Variants in FLT1 observed in about 807,000 individuals in gnomAD.
The protein encoded by FLT1 is vascular endothelial growth factor receptor 1.
A neutral mutation model predicts 156.3 loss-of-function variants in FLT1; 49 were observed. The ratio of observed to expected loss-of-function variants is 0.31; its 90% CI spans 0.25 to 0.40. FLT1 has a LOEUF of 0.40. Ranked by LOEUF, FLT1 falls within the 10% of genes least tolerant of loss-of-function variation. The pLI is 1.00. For missense variants in FLT1, 1,322 were observed against 1,637.2 expected (o/e 0.81, Z 3.32); for synonymous variants, 594 against 583.8 (o/e 1.02, Z -0.25).
intron 18 of FLT1, 150 bp downstream of exon 18, chr13:28,333,875 G>A (rs1872018308): frequency 4.2e-6 from 3 of 719,842 alleles, no homozygotes; most frequent in Non-Finnish European, 7.6e-6. Context: ...TAAAACTCGT[G>A]AGCAAAGAGG....
At chr13:28,366,494 A>C (rs1215867177) in intron 14 of FLT1, among the ~76,000 whole-genome samples, 1 of 147,112 alleles carries the variant, frequency 6.8e-6, no homozygotes, top group Admixed American at 6.8e-5. Context: ...TTCGAGATGG[A>C]GTTTTGCTCT....
chr13:28,317,305 A>T (rs1210236018), intron 25 of FLT1, among the ~76,000 whole-genome samples, 193 bp downstream of exon 25: 1 of 152,246 alleles, frequency 6.6e-6, no homozygotes, highest in Non-Finnish European at 1.5e-5. Flanking sequence ...GTCAAGGGCC[A>T]CGTGCCCCAC....
Position 28,356,493 on chromosome 13 carries a change from C to T in FLT1, c.2248+1061G>A, listed in dbSNP as rs563978898. ...TACTAAAGGTATTTGGGGAATGCTA[C>T]CCTCTCACTTTTTCTGAAAGTATAA... is the stretch of plus-strand genomic sequence containing the variant. On this transcript the variant is annotated intron_variant, in intron 15 of 29. Transcript: ENST00000282397. Among the ~76,000 whole-genome samples the T allele has an allele frequency of 3.3e-5, 5 of 152,276 alleles. No homozygotes were observed. In the South Asian group the frequency reaches 1.0e-3, roughly 32 times the overall value.
intron 24 of FLT1, among the ~76,000 whole-genome samples, chr13:28,317,890 G>A (rs1279944083): frequency 1.3e-5 from 2 of 152,174 alleles, no homozygotes; most frequent in East Asian, 3.9e-4. Context: ...GTCGTCTGAA[G>A]GGTCCTTGCC....
At chr13:28,445,205 A>C (rs1011553169) in intron 3 of FLT1, among the ~76,000 whole-genome samples, 2 of 152,164 alleles carry the variant, frequency 1.3e-5, no homozygotes, top group African/African-American at 4.8e-5. Context: ...GGCCAGGTGC[A>C]GTGGCTCATG....
chr13:28,303,396 T>C (rs1278489356), intron 29 of FLT1, 28 bp from the exon 30 acceptor site: 5 of 1,603,300 alleles, frequency 3.1e-6, no homozygotes, highest in Non-Finnish European at 4.3e-6. Context: ...AGAAATCAAA[T>C]ATTCAAAATT....
chr13:28,441,495 A>C (rs1228467028), intron 3 of FLT1, among the ~76,000 whole-genome samples: 5 of 152,220 alleles, frequency 3.3e-5, no homozygotes, highest in Non-Finnish European at 7.3e-5. Context: ...CCAAGGAGGC[A>C]AGGATCAAGT....
chr13:28,494,893 A>C lies in FLT1; in HGVS notation c.-50T>G, dbSNP rs2137684538. The C allele has an allele frequency of 6.9e-7, 1 of 1,450,402 alleles. No individual in the cohort carries two copies. Among genetic ancestry groups the C allele is most frequent in the Non-Finnish European group, 9.2e-7 (1 of 1,084,680 alleles). 89.8% of individuals were successfully genotyped at this position (1,450,402 alleles called of 1,614,324 possible). On this transcript the variant is annotated 5_prime_UTR_variant, in exon 1 of 30. Transcript: ENST00000282397. Reference sequence around the variant, plus strand: ...CCCGGTGCCCGCGCTCCCCGCGGCCAACGACCCGGCCGCCAGAGTCCGTCC... The same window carrying C: ...CCCGGTGCCCGCGCTCCCCGCGGCCCACGACCCGGCCGCCAGAGTCCGTCC...
chr13:28,398,924 G>GT (rs1265815272), intron 11 of FLT1: 1 of 721,824 alleles, frequency 1.4e-6, no homozygotes, highest in African/African-American at 1.8e-5. Flanking sequence ...ATGGGAAAGT[G>GT]TACGAAAGAG....
At position 28,440,470 on chromosome 13, in the gene FLT1, C is replaced by A. The variant is rs147359596; in HGVS notation, c.389-2125G>T. Reference sequence around the variant, plus strand: ...CTCTTGAAGGCCCCCATAGAAAGGGCTGCCAGCAGGTGACAATGGTTTTTC... The same window carrying A: ...CTCTTGAAGGCCCCCATAGAAAGGGATGCCAGCAGGTGACAATGGTTTTTC... On this transcript the variant is annotated intron_variant, in intron 3 of 29. Coordinates refer to ENST00000282397, the MANE Select transcript of FLT1 (RefSeq NM_002019.4). Among the ~76,000 whole-genome samples the A allele has an allele frequency of 7.8e-3, 1,184 of 152,314 alleles. 18 individuals carry two copies. The highest frequency in any genetic ancestry group is 0.027 in the African/African-American group (1,125 of 41,554).
At chr13:28,431,356 G>A (rs192796653) in intron 6 of FLT1, 46 bp from the exon 7 acceptor site, 199 of 1,350,952 alleles carry the variant, frequency 1.5e-4, no homozygotes, top group Admixed American at 1.5e-4. Flanking sequence ...GAGTGTTCAT[G>A]CTTAAAGTTA....
intron 15 of FLT1, chr13:28,345,756 C>CATGAACTCACATA: frequency 1.8e-6 from 1 of 543,720 alleles, no homozygotes; most frequent in East Asian, 3.1e-5. Context: ...AGGCAGTATA[C>CATGAACTCACATA]ATGAACTCAC....
intron 23 of FLT1, 102 bp downstream of exon 23, chr13:28,321,361 G>A: frequency 1.4e-6 from 2 of 1,400,336 alleles, no homozygotes; most frequent in Non-Finnish European, 2.0e-6. Context: ...AGCCAATGAT[G>A]GTTTTCAGGG....
rs61763176 is a variant in FLT1, at chr13:28,430,344, T to C, written c.989-177A>G. 7.7e-3 allele frequency among the ~76,000 whole-genome samples: 1,167 copies of C among 152,296 alleles called. 18 individuals are homozygous for C. The highest frequency in any genetic ancestry group is 0.027 in the African/African-American group (1,109 of 41,568). ...ATAGGATACTTTAAAAGCACTGTAA[T>C]TGGTGAACGCCTTTCAAATCAAATG... On this transcript the variant is annotated intron_variant, in intron 7 of 29. Transcript: ENST00000282397.
chr13:28,367,789 C>G (rs1166031388), intron 14 of FLT1, among the ~76,000 whole-genome samples: 2 of 152,176 alleles, frequency 1.3e-5, no homozygotes, highest in African/African-American at 4.8e-5. Context: ...GCTCAGTTGA[C>G]TATATGTATT....
intron 3 of FLT1, among the ~76,000 whole-genome samples, chr13:28,453,361 G>T (rs1022887957): frequency 6.6e-6 from 1 of 152,010 alleles, no homozygotes; most frequent in Admixed American, 6.6e-5. Flanking sequence ...GACCTCAAGT[G>T]ATCTACCTGC....
chr13:28,351,393 A>T (rs558155406), intron 15 of FLT1, among the ~76,000 whole-genome samples: 8 of 152,288 alleles, frequency 5.3e-5, no homozygotes, highest in African/African-American at 1.9e-4. Context: ...GAAGAAAATT[A>T]CTCAGATGCA....
At chr13:28,453,391 G>C (rs1027032834) in intron 3 of FLT1, among the ~76,000 whole-genome samples, 1 of 152,016 alleles carries the variant, frequency 6.6e-6, no homozygotes, top group African/African-American at 2.4e-5. Flanking sequence ...CCCAAGTGTT[G>C]GGACTACAGG....
chr13:28,333,491 T>C (rs1872003140), intron 18 of FLT1, among the ~76,000 whole-genome samples: 1 of 152,196 alleles, frequency 6.6e-6, no homozygotes, highest in African/African-American at 2.4e-5. Context: ...AGTAGTATCT[T>C]TCAACACTAG....
Sources: allele counts gnomAD v4.1 joint callset (sites outside exome capture counted in the v4.1 genomes callset), GRCh38; gene constraint gnomAD v4.1.1; transcripts MANE v1.5; gene names NCBI Gene and HGNC (gene_info 2026-07-23, HGNC 2026-07-21).